ANKRD36C: variants seen among roughly 807,000 people sequenced by gnomAD.
ANKRD36C encodes the protein ankyrin repeat domain-containing protein 36C.
A neutral mutation model predicts 276.4 loss-of-function variants in ANKRD36C; 61 were observed. The observed-to-expected ratio is 0.22, with a 90% CI of 0.18 to 0.27. The LOEUF is 0.27. ANKRD36C is among the 10% of genes least tolerant of loss of function. The pLI is 1.00. For missense variants in ANKRD36C, 1,447 were observed against 2,032.3 expected, an observed-to-expected ratio of 0.71 and a Z score of 5.54; for synonymous variants, 483 against 680.1, an observed-to-expected ratio of 0.71 and a Z score of 4.51.
chr2:95,864,277 A>C (rs1675641782), intron 60 of ANKRD36C, among the ~76,000 whole-genome samples: 1 of 152,110 alleles, frequency 6.6e-6, no homozygotes, highest in Non-Finnish European at 1.5e-5. Flanking sequence ...CACCATCATT[A>C]TTTACCACAA....
chr2:95,874,575 C>T (rs1211191494), intron 59 of ANKRD36C, among the ~76,000 whole-genome samples: 2 of 152,102 alleles, frequency 1.3e-5, no homozygotes, highest in African/African-American at 4.8e-5. Flanking sequence ...CCATAAAAAC[C>T]CTAGAAGAAA....
chr2:95,944,633 A>G (rs1677983393), exon 19 of ANKRD36C: 1 of 1,537,090 alleles, frequency 6.5e-7, no homozygotes, highest in Admixed American at 2.0e-5. Context: ...TTACCTTATC[A>G]ACATTTTGGT....
At chr2:95,916,655 T>C (rs1573764600) in intron 36 of ANKRD36C, among the ~76,000 whole-genome samples, 1 of 151,668 alleles carries the variant, frequency 6.6e-6, no homozygotes, top group African/African-American at 2.4e-5. Flanking sequence ...TTCAGTTGAA[T>C]GTACACTCAC....
chr2:95,962,401 A>G, exon 8 of ANKRD36C: 1 of 1,569,114 alleles, frequency 6.4e-7, no homozygotes, highest in Non-Finnish European at 8.6e-7. Context: ...TATTCGAGAT[A>G]GAATCTTCCT....
intron 58 of ANKRD36C, 128 bp downstream of exon 78, chr2:95,880,299 T>A: frequency 9.2e-7 from 1 of 1,081,626 alleles, no homozygotes; most frequent in Non-Finnish European, 1.3e-6. Flanking sequence ...TGATAACAGC[T>A]GCATTATTTA....
intron 6 of ANKRD36C, among the ~76,000 whole-genome samples, chr2:95,964,275 G>A (rs1678542005): frequency 6.6e-6 from 1 of 151,190 alleles, no homozygotes; most frequent in Non-Finnish European, 1.5e-5. Context: ...AAAACTTCTA[G>A]GGAGGAGAAA....
chr2:95,880,437 T>C (rs181937663), exon 58 of ANKRD36C: 3 of 1,554,358 alleles, frequency 1.9e-6, no homozygotes, highest in African/African-American at 2.7e-5. Context: ...CTGGTGTGGA[T>C]GTTTGTACAT....
intron 22 of ANKRD36C, among the ~76,000 whole-genome samples, chr2:95,938,384 C>T (rs1431827532): frequency 2.6e-5 from 4 of 152,290 alleles, no homozygotes; most frequent in African/African-American, 7.2e-5. Flanking sequence ...GAAACTCAAT[C>T]CGGTAATCAG....
chr2:95,907,288 C>T (rs1368848446), intron 42 of ANKRD36C: 2 of 62,668 alleles, frequency 3.2e-5, no homozygotes, highest in African/African-American at 1.3e-4. Context: ...CACACAATTA[C>T]GATGACACTC....
intron 14 of ANKRD36C, among the ~76,000 whole-genome samples, chr2:95,953,459 A>G (rs1238275406): frequency 6.6e-6 from 1 of 152,138 alleles, no homozygotes; most frequent in East Asian, 1.9e-4. Flanking sequence ...ACAGTATGAT[A>G]TCAAAATATG....
At chr2:95,973,398 C>T (rs1338310554) in intron 6 of ANKRD36C, among the ~76,000 whole-genome samples, 1 of 151,330 alleles carries the variant, frequency 6.6e-6, no homozygotes, top group African/African-American at 2.4e-5. Context: ...GGCAACAGAG[C>T]GAGACTCAGT....
chr2:95,875,388 G>A (rs1054222143), intron 59 of ANKRD36C, among the ~76,000 whole-genome samples: 3 of 151,734 alleles, frequency 2.0e-5, no homozygotes, highest in African/African-American at 7.3e-5. Flanking sequence ...TAGGGACATG[G>A]ATGAAATTGG....
At chr2:95,986,401 G>A (rs1167921231) in intron 3 of ANKRD36C, among the ~76,000 whole-genome samples, 1 of 151,958 alleles carries the variant, frequency 6.6e-6, no homozygotes, top group East Asian at 1.9e-4. Context: ...ATTTATAAGG[G>A]CCAATTTTAC....
intron 58 of ANKRD36C, among the ~76,000 whole-genome samples, chr2:95,879,526 A>G (rs551129179): frequency 9.9e-4 from 150 of 151,958 alleles, no homozygotes; most frequent in African/African-American, 3.5e-3. Flanking sequence ...ATTATTACAC[A>G]TTGTATGCCT....
intron 60 of ANKRD36C, among the ~76,000 whole-genome samples, 169 bp downstream of exon 80, chr2:95,867,271 G>T (rs1241148751): frequency 2.0e-5 from 3 of 152,144 alleles, no homozygotes; most frequent in African/African-American, 7.2e-5. Flanking sequence ...ATAGCCCTTG[G>T]CTGAGAAGGT....
At chr2:95,946,763 A>G (rs1419433034) in intron 17 of ANKRD36C, among the ~76,000 whole-genome samples, 1 of 152,134 alleles carries the variant, frequency 6.6e-6, no homozygotes, top group Admixed American at 6.5e-5. Flanking sequence ...TTGTAGGGAC[A>G]TGGGTGAAAT....
chr2:95,966,938 T>C lies in ANKRD36C; in HGVS notation c.800-4391A>G, dbSNP rs1340980905. ...TCTTTGTAGGAATTGTGTATGGGAG[T>C]TCACTCATGATTTAGTGCTCTATTA... On this transcript the variant is annotated intron_variant, in intron 6 of 66. Coordinates refer to ENST00000456556, the Ensembl canonical transcript of ANKRD36C. Among the ~76,000 whole-genome samples, 3 of 152,158 alleles carry C rather than the reference T, an allele frequency of 2.0e-5. No homozygotes were observed. The East Asian group carries it at 5.8e-4, about 29-fold the overall frequency.
At position 95,876,528 on chromosome 2, in the gene ANKRD36C, T is replaced by G; in HGVS notation, c.3470-19A>C. ...TCTTGTTCTGCTAAAAAAAATTATA[T>G]ATTTAGTTAAAATGAGCTACACAGA... On this transcript the variant is annotated intron_variant, in intron 58 of 66. Transcript: ENST00000456556. 1 of 1,606,068 alleles carries G rather than the reference T, an allele frequency of 6.2e-7. No individual in the cohort carries two copies. Among genetic ancestry groups the G allele is most frequent in the Non-Finnish European group, 8.5e-7 (1 of 1,175,752 alleles).
At chr2:95,967,298 A>G (rs1458077988) in intron 6 of ANKRD36C, among the ~76,000 whole-genome samples, 1 of 152,218 alleles carries the variant, frequency 6.6e-6, no homozygotes, top group Non-Finnish European at 1.5e-5. Flanking sequence ...TAAATTTACA[A>G]GAAATGATCT....
Sources: allele counts gnomAD v4.1 joint callset (sites outside exome capture counted in the v4.1 genomes callset), GRCh38; gene constraint gnomAD v4.1.1; transcripts MANE v1.5; gene names NCBI Gene and HGNC (gene_info 2026-07-23, HGNC 2026-07-21).